AK9: variants seen among roughly 807,000 people sequenced by gnomAD.
AK9 encodes the protein adenylate kinase domain containing 1.
Under a neutral mutation model 239.6 loss-of-function variants are expected in AK9, and 191 were observed. The ratio of observed to expected loss-of-function variants is 0.80; its 90% CI spans 0.71 to 0.90. The LOEUF (loss-of-function observed/expected upper bound fraction) is 0.90. Among genes scored for constraint, AK9 ranks in the 40% least tolerant of loss-of-function variants. AK9 has a pLI of 0.00. For missense variants in AK9, 1,995 were observed against 2,214.7 expected, an observed-to-expected ratio of 0.90 and a Z score of 1.99; for synonymous variants, 689 against 721.0, an observed-to-expected ratio of 0.96 and a Z score of 0.71.
chr6:109,659,434 A>T (rs1047472138), intron 6 of AK9, 21 bp from the exon 7 acceptor site: 4 of 1,580,348 alleles, frequency 2.5e-6, no homozygotes, highest in Non-Finnish European at 1.7e-6. Flanking sequence ...ACATTATTAA[A>T]TCACTTAAAA....
In AK9 at chr6:109,633,176, T is replaced by C; in HGVS notation, c.1073+8A>G. On this transcript the variant is annotated splice_region_variant and intron_variant, in intron 11 of 40. Coordinates refer to ENST00000424296, the MANE Select transcript of AK9 (RefSeq NM_001145128.3). ...GATTTAAAATTAAGTTCTGAAAATC[T>C]TACTTACCTCACAGAATAATCTGGT... The C allele has an allele frequency of 6.3e-7, 1 of 1,580,148 alleles. No homozygotes were observed. The highest frequency in any genetic ancestry group is 8.6e-7 in the Non-Finnish European group (1 of 1,169,384).
intron 21 of AK9, among the ~76,000 whole-genome samples, chr6:109,566,919 C>T (rs577192685): frequency 2.6e-5 from 4 of 152,170 alleles, no homozygotes; most frequent in Non-Finnish European, 5.9e-5. Flanking sequence ...CTCTGGGACA[C>T]ATTTAAAGCA....
In AK9 at chr6:109,641,548, T is replaced by A; in HGVS notation, c.903A>T (p.Ala301=). 6.2e-7 allele frequency: 1 copy of A among 1,613,508 alleles called. No homozygotes were observed. The highest frequency in any genetic ancestry group is 8.5e-7 in the Non-Finnish European group (1 of 1,179,510). The change falls in exon 10 of 41, where the codon GCA becomes GCT. Residue 301 remains alanine (A), a synonymous_variant. Transcript: ENST00000424296. ...RAAILTKLQG[A]EEEINDTMEN... ...CCATTGTGTCATTAATTTCTTCCTC[T>A]GCACCCTGAAGTTTGGTTAGAATAG...
chr6:109,524,559 CA>C (rs1443553683), intron 29 of AK9, among the ~76,000 whole-genome samples: 2 of 152,126 alleles, frequency 1.3e-5, no homozygotes, highest in African/African-American at 2.4e-5. Context: ...AAAAGAAAGA[CA>C]ATAGGTGAAC....
intron 24 of AK9, among the ~76,000 whole-genome samples, chr6:109,557,120 T>C (rs1785093089): frequency 6.6e-6 from 1 of 152,102 alleles, no homozygotes; most frequent in African/African-American, 2.4e-5. Flanking sequence ...CTTCGTGAGT[T>C]TGTCAAGTTT....
intron 13 of AK9, among the ~76,000 whole-genome samples, chr6:109,618,620 C>T (rs1980591): frequency 0.35 from 52,487 of 151,772 alleles, 9,541 homozygotes; most frequent in South Asian, 0.44. Context: ...GTTCTCTCAA[C>T]TATAAAATTA....
At chr6:109,687,487 T>C (rs1773673060) in intron 1 of AK9, among the ~76,000 whole-genome samples, 1 of 152,194 alleles carries the variant, frequency 6.6e-6, no homozygotes, top group Non-Finnish European at 1.5e-5. Context: ...AGGGAGACTT[T>C]CTGTTGGCTT....
chr6:109,620,232 A>G (rs1794653832), intron 12 of AK9, among the ~76,000 whole-genome samples: 1 of 152,116 alleles, frequency 6.6e-6, no homozygotes, highest in East Asian at 1.9e-4. Flanking sequence ...ATAAACCATC[A>G]AACTGTTTCC....
chr6:109,684,558 A>C (rs183160543), intron 1 of AK9, among the ~76,000 whole-genome samples: 3 of 143,364 alleles, frequency 2.1e-5, no homozygotes, highest in Non-Finnish European at 4.6e-5. Context: ...ACAAGAAAAA[A>C]AAACAAACAA....
At chr6:109,533,718 T>C (rs1781579620) in intron 27 of AK9, among the ~76,000 whole-genome samples, 1 of 152,146 alleles carries the variant, frequency 6.6e-6, no homozygotes. Flanking sequence ...TCTTTTAATA[T>C]TTCTAGTTGT....
intron 25 of AK9, among the ~76,000 whole-genome samples, chr6:109,549,154 T>C (rs139410887): frequency 6.2e-4 from 95 of 152,324 alleles, no homozygotes; most frequent in Non-Finnish European, 1.2e-3. Flanking sequence ...TGTATAGCCA[T>C]GGTAACAATA....
At chr6:109,637,279 T>G (rs1211317569) in intron 10 of AK9, among the ~76,000 whole-genome samples, 1 of 152,242 alleles carries the variant, frequency 6.6e-6, no homozygotes, top group East Asian at 1.9e-4. Context: ...GTTCTTTACA[T>G]ATTCTGCATA....
chr6:109,664,909 G>A (rs1429025277), intron 5 of AK9, among the ~76,000 whole-genome samples: 2 of 151,554 alleles, frequency 1.3e-5, no homozygotes, highest in East Asian at 3.9e-4. Flanking sequence ...GCATAGTGGC[G>A]GGTGCCTGTA....
At chr6:109,580,551 A>G (rs536419231) in intron 19 of AK9, among the ~76,000 whole-genome samples, 1 of 152,144 alleles carries the variant, frequency 6.6e-6, no homozygotes, top group Non-Finnish European at 1.5e-5. Flanking sequence ...AGCAGCATAC[A>G]CTGGGGGCAC....
chr6:109,576,419 A>C (rs1414802651), intron 20 of AK9, among the ~76,000 whole-genome samples: 4 of 36,818 alleles, frequency 1.1e-4, no homozygotes, highest in African/African-American at 1.4e-4. Context: ...ACATATATAT[A>C]CTTTTTTTTT....
At chr6:109,638,579 A>G (rs1469521516) in intron 10 of AK9, among the ~76,000 whole-genome samples, 1 of 152,178 alleles carries the variant, frequency 6.6e-6, no homozygotes, top group Non-Finnish European at 1.5e-5. Context: ...CTCTAGGCTC[A>G]GCTGATCCCC....
intron 1 of AK9, among the ~76,000 whole-genome samples, chr6:109,676,492 T>C (rs2128342551): frequency 6.6e-6 from 1 of 152,176 alleles, no homozygotes; most frequent in African/African-American, 2.4e-5. Flanking sequence ...TACATATTTA[T>C]GTTCATAAAA....
At chr6:109,637,772 A>G (rs1796906259) in intron 10 of AK9, among the ~76,000 whole-genome samples, 1 of 152,228 alleles carries the variant, frequency 6.6e-6, no homozygotes, top group Non-Finnish European at 1.5e-5. Context: ...TATTCATCTA[A>G]AGTCCTTTAA....
chr6:109,611,391 G>A (rs936149479), intron 16 of AK9, among the ~76,000 whole-genome samples: 5 of 152,170 alleles, frequency 3.3e-5, no homozygotes, highest in African/African-American at 9.7e-5. Flanking sequence ...GCAAAGATGC[G>A]AAATGTGCTA....
Sources: allele counts gnomAD v4.1 joint callset (sites outside exome capture counted in the v4.1 genomes callset), GRCh38; gene constraint gnomAD v4.1.1; transcripts MANE v1.5; gene names NCBI Gene and HGNC (gene_info 2026-07-23, HGNC 2026-07-21).